MAPK8: variants seen among roughly 807,000 people sequenced by gnomAD.
The protein encoded by MAPK8 is JUN N-terminal kinase.
Under a neutral mutation model 52.9 loss-of-function variants are expected in MAPK8, and 13 were observed. That is an observed-to-expected ratio of 0.25 (90% CI 0.16 to 0.39). The LOEUF (loss-of-function observed/expected upper bound fraction) is 0.39. MAPK8 is among the 10% of genes least tolerant of loss of function. The pLI, the probability that MAPK8 is intolerant of heterozygous loss-of-function variation, is 1.00. For missense variants in MAPK8, 300 were observed against 519.2 expected, an observed-to-expected ratio of 0.58 and a Z score of 4.10; for synonymous variants, 191 against 169.8, an observed-to-expected ratio of 1.12 and a Z score of -0.97.
At chr10:48,327,882 T>C (rs1038615411) in intron 1 of MAPK8, among the ~76,000 whole-genome samples, 1 of 152,244 alleles carries the variant, frequency 6.6e-6, no homozygotes. Context: ...AATATTGGCT[T>C]ATTTCATCTT....
chr10:48,313,261 C>T (rs1442332784), intron 1 of MAPK8, among the ~76,000 whole-genome samples: 2 of 152,112 alleles, frequency 1.3e-5, no homozygotes, highest in South Asian at 2.1e-4. Context: ...AGTGATACCC[C>T]GTCTATACTA....
At chr10:48,354,618 A>G (rs1436888219) in intron 1 of MAPK8, among the ~76,000 whole-genome samples, 1 of 152,202 alleles carries the variant, frequency 6.6e-6, no homozygotes, top group Non-Finnish European at 1.5e-5. Flanking sequence ...TTGTACCTCT[A>G]ATAAGTTTCC....
chr10:48,425,221 T>C (rs1564618421), intron 7 of MAPK8: 1 of 761,338 alleles, frequency 1.3e-6, no homozygotes, highest in Non-Finnish European at 2.5e-6. Flanking sequence ...TTACAATAAG[T>C]GAGTTTTAGG....
chr10:48,407,392 G>T (rs1219725957), intron 3 of MAPK8, among the ~76,000 whole-genome samples: 2 of 152,016 alleles, frequency 1.3e-5, no homozygotes, highest in Admixed American at 6.6e-5. Flanking sequence ...TATTGCTATT[G>T]TTCTTTGTTG....
intron 2 of MAPK8, among the ~76,000 whole-genome samples, chr10:48,403,792 A>G (rs1200777706): frequency 6.6e-6 from 1 of 151,538 alleles, no homozygotes; most frequent in Non-Finnish European, 1.5e-5. Context: ...TCTGTCGCCC[A>G]GGCTAGAGTG....
chr10:48,429,182 C>T (rs2043955880), intron 10 of MAPK8, among the ~76,000 whole-genome samples: 1 of 152,034 alleles, frequency 6.6e-6, no homozygotes, highest in African/African-American at 2.4e-5. Flanking sequence ...AGGTCATAGA[C>T]TCTTAATAGG....
intron 1 of MAPK8, among the ~76,000 whole-genome samples, chr10:48,363,786 T>C (rs1847785484): frequency 1.3e-5 from 2 of 152,208 alleles, no homozygotes; most frequent in African/African-American, 4.8e-5. Flanking sequence ...GAGTACTGTT[T>C]GCTTTTTAAA....
chr10:48,418,691 A>T (rs1412344702), intron 5 of MAPK8, among the ~76,000 whole-genome samples: 2 of 152,344 alleles, frequency 1.3e-5, no homozygotes, highest in East Asian at 1.9e-4. Context: ...CTAAGTTGCT[A>T]TTCTTATATA....
intron 5 of MAPK8, among the ~76,000 whole-genome samples, chr10:48,413,858 T>C: frequency 7.5e-6 from 1 of 133,652 alleles, no homozygotes; most frequent in African/African-American, 2.7e-5. Context: ...TATATATATA[T>C]ATTCAGAAAT....
intron 1 of MAPK8, among the ~76,000 whole-genome samples, chr10:48,364,012 A>G (rs985151393): frequency 6.6e-6 from 1 of 152,218 alleles, no homozygotes; most frequent in African/African-American, 2.4e-5. Flanking sequence ...GATTTCTTCA[A>G]ACTAGGCATG....
chr10:48,341,397 T>G (rs1327022962), intron 1 of MAPK8, among the ~76,000 whole-genome samples: 1 of 152,184 alleles, frequency 6.6e-6, no homozygotes, highest in Non-Finnish European at 1.5e-5. Flanking sequence ...ATATGAAACT[T>G]TTTGAATGCC....
chr10:48,331,359 T>G (rs139412560), intron 1 of MAPK8, among the ~76,000 whole-genome samples: 3,573 of 152,328 alleles, frequency 0.023, 77 homozygotes, highest in Non-Finnish European at 0.035. Context: ...CATTTTGACC[T>G]TCTGCTTTTT....
chr10:48,340,255 TG>T (rs1845120008), intron 1 of MAPK8, among the ~76,000 whole-genome samples: 1 of 152,164 alleles, frequency 6.6e-6, no homozygotes. Flanking sequence ...TACAGCAACG[TG>T]GATGCAGCTG....
chr10:48,399,180 G>A (rs2042035500), intron 1 of MAPK8, among the ~76,000 whole-genome samples: 1 of 152,168 alleles, frequency 6.6e-6, no homozygotes, highest in African/African-American at 2.4e-5. Context: ...TACCACAGCT[G>A]TAGTTTCAGT....
In MAPK8 at chr10:48,436,314, G is replaced by A. The variant is rs1018019051; in HGVS notation, c.*1285G>A. ...TAACACGCAATGTGGATGTCGAGTA[G>A]TGTTAAGAATGGTGCTGCTCCTGAC... On this transcript the variant is annotated 3_prime_UTR_variant, in exon 12 of 12. Coordinates refer to ENST00000374189, the MANE Select transcript of MAPK8 (RefSeq NM_001323329.2). 6.6e-6 allele frequency: 1 copy of A among 152,196 alleles called. No individual in the cohort carries two copies. The highest frequency in any genetic ancestry group is 1.5e-5 in the Non-Finnish European group (1 of 68,032). 9.4% of individuals were successfully genotyped at this position (152,196 alleles called of 1,614,324 possible). A position where few individuals can be genotyped will look rare whatever the true frequency, so the allele number is the denominator to read the frequency against.
intron 1 of MAPK8, among the ~76,000 whole-genome samples, chr10:48,356,450 A>G (rs1465912881): frequency 1.3e-5 from 2 of 152,238 alleles, no homozygotes; most frequent in African/African-American, 4.8e-5. Flanking sequence ...TAAGTAGAAA[A>G]CAACGTGATG....
chr10:48,358,091 T>C (rs1847155008), intron 1 of MAPK8, among the ~76,000 whole-genome samples: 1 of 152,228 alleles, frequency 6.6e-6, no homozygotes, highest in South Asian at 2.1e-4. Flanking sequence ...TGTTGCTACC[T>C]TTTGGCTGTT....
intron 1 of MAPK8, among the ~76,000 whole-genome samples, chr10:48,382,752 A>C (rs1412087367): frequency 6.8e-6 from 1 of 147,466 alleles, no homozygotes; most frequent in Non-Finnish European, 1.5e-5. Context: ...AAAAAAAAAT[A>C]TTTTATATAT....
intron 1 of MAPK8, among the ~76,000 whole-genome samples, chr10:48,346,499 T>C (rs74881957): frequency 0.038 from 5,842 of 152,296 alleles, 120 homozygotes; most frequent in African/African-American, 0.047. Flanking sequence ...GGTCCAGCAG[T>C]AGCAAAAGGT....
Sources: gnomAD v4.1 joint callset for allele counts (sites outside exome capture counted in the v4.1 genomes callset) on GRCh38, gnomAD v4.1.1 for gene constraint, MANE v1.5 for transcripts, NCBI Gene and HGNC (gene_info 2026-07-23, HGNC 2026-07-21) for gene names.